Variants in SLC24A3 observed in about 807,000 individuals in gnomAD.
SLC24A3 encodes the protein solute carrier family 24 member 3, also known as sodium/potassium/calcium exchanger 3.
In SLC24A3, 28 loss-of-function variants were observed where a neutral mutation model predicts 75.8. The observed-to-expected ratio is 0.37, with a 90% CI of 0.27 to 0.51. The LOEUF (loss-of-function observed/expected upper bound fraction) is 0.51, where lower values mean the gene tolerates loss of function less well. SLC24A3 is among the 20% of genes least tolerant of loss of function. The pLI, the probability that SLC24A3 is intolerant of heterozygous loss-of-function variation, is 0.94. For synonymous variants in SLC24A3, 372 were observed against 334.1 expected, an observed-to-expected ratio of 1.11 and a Z score of -1.24; for missense variants, 663 against 847.8, an observed-to-expected ratio of 0.78 and a Z score of 2.71.
At chr20:19,431,243 A>G (rs972149378) in intron 2 of SLC24A3, among the ~76,000 whole-genome samples, 1 of 150,940 alleles carries the variant, frequency 6.6e-6, no homozygotes, top group Non-Finnish European at 1.5e-5. Flanking sequence ...CCAAGACAGA[A>G]TGAAGGATGC....
At chr20:19,253,130 G>A (rs540499599) in intron 1 of SLC24A3, among the ~76,000 whole-genome samples, 4 of 152,278 alleles carry the variant, frequency 2.6e-5, no homozygotes, top group South Asian at 2.1e-4. Flanking sequence ...GCTTTGGGCC[G>A]GTGGTCTCAT....
intron 2 of SLC24A3, among the ~76,000 whole-genome samples, chr20:19,360,513 A>G (rs972204194): frequency 2.0e-5 from 3 of 152,362 alleles, no homozygotes; most frequent in East Asian, 1.9e-4. Flanking sequence ...TGTGAATAAT[A>G]TGCCAACTTC....
Position 19,580,155 on chromosome 20 carries a change from A to G in SLC24A3, c.423+81A>G, listed in dbSNP as rs1044379324. Reference sequence around the variant, plus strand: ...CCTGTACTGTTCCAGCCTCCTCACCAAAGTCCTGGGGAGCCCTCGCAGGGC... The same window carrying G: ...CCTGTACTGTTCCAGCCTCCTCACCGAAGTCCTGGGGAGCCCTCGCAGGGC... On this transcript the variant is annotated intron_variant, in intron 4 of 16. Transcript: ENST00000328041. 18 of 1,302,090 alleles carry G rather than the reference A, an allele frequency of 1.4e-5. No homozygotes were observed. In the African/African-American group the frequency reaches 2.5e-4, roughly 18 times the overall value. The allele number at this position is 1,302,090 out of a possible 1,614,324, so 80.7% of individuals were successfully genotyped here.
intron 2 of SLC24A3, among the ~76,000 whole-genome samples, chr20:19,401,958 C>T (rs562962542): frequency 6.6e-6 from 1 of 152,280 alleles, no homozygotes; most frequent in South Asian, 2.1e-4. Context: ...ATTTCTCTAC[C>T]TCCTACTGGT....
intron 2 of SLC24A3, among the ~76,000 whole-genome samples, chr20:19,410,179 A>G (rs992927713): frequency 3.9e-5 from 6 of 152,212 alleles, no homozygotes; most frequent in African/African-American, 1.4e-4. Flanking sequence ...CCCAAGAATC[A>G]GGAGACTTTA....
At chr20:19,294,679 C>T (rs1014235835) in intron 2 of SLC24A3, among the ~76,000 whole-genome samples, 1 of 152,106 alleles carries the variant, frequency 6.6e-6, no homozygotes, top group Non-Finnish European at 1.5e-5. Context: ...CTTTATCTAG[C>T]CTGTCATTGA....
At chr20:19,387,030 T>C (rs1478172040) in intron 2 of SLC24A3, among the ~76,000 whole-genome samples, 1 of 152,194 alleles carries the variant, frequency 6.6e-6, no homozygotes, top group Non-Finnish European at 1.5e-5. Context: ...TTACTCGTTA[T>C]TGGTCTGTTG....
intron 1 of SLC24A3, among the ~76,000 whole-genome samples, chr20:19,262,634 TA>T (rs1470246483): frequency 6.6e-6 from 1 of 151,988 alleles, no homozygotes; most frequent in Non-Finnish European, 1.5e-5. Context: ...GGAACTAAGG[TA>T]AAGTCAGGCC....
intron 6 of SLC24A3, among the ~76,000 whole-genome samples, chr20:19,597,469 A>G (rs1465025544): frequency 6.6e-6 from 1 of 152,248 alleles, no homozygotes; most frequent in African/African-American, 2.4e-5. Flanking sequence ...CATATTTATT[A>G]GGTACATGTG....
intron 6 of SLC24A3, among the ~76,000 whole-genome samples, chr20:19,622,047 GT>G (rs2031811125): frequency 1.3e-5 from 2 of 152,316 alleles, no homozygotes; most frequent in South Asian, 4.1e-4. Flanking sequence ...TCCTTAGGGA[GT>G]TTTTGTGCAC....
At chr20:19,541,199 C>G (rs2030490078) in intron 3 of SLC24A3, among the ~76,000 whole-genome samples, 1 of 152,188 alleles carries the variant, frequency 6.6e-6, no homozygotes, top group Non-Finnish European at 1.5e-5. Context: ...ACCTTTCAGG[C>G]AGAAAAGAAT....
At chr20:19,617,292 C>G (rs1212149814) in intron 6 of SLC24A3, among the ~76,000 whole-genome samples, 3 of 152,154 alleles carry the variant, frequency 2.0e-5, no homozygotes, top group Admixed American at 6.5e-5. Context: ...TGCTGTGCCA[C>G]CCACCTCTGC....
intron 2 of SLC24A3, among the ~76,000 whole-genome samples, chr20:19,510,547 C>T (rs1358161911): frequency 6.6e-6 from 1 of 152,144 alleles, no homozygotes; most frequent in East Asian, 1.9e-4. Flanking sequence ...ATGTTGAAGC[C>T]CTAACCCCCA....
chr20:19,661,259 G>A (rs760848144), intron 7 of SLC24A3, among the ~76,000 whole-genome samples: 30 of 152,036 alleles, frequency 2.0e-4, no homozygotes, highest in African/African-American at 6.8e-4. Context: ...AGCCCTGCCC[G>A]TAGGTCATTT....
intron 2 of SLC24A3, among the ~76,000 whole-genome samples, chr20:19,452,470 G>A (rs541487879): frequency 6.6e-6 from 1 of 151,202 alleles, no homozygotes; most frequent in Non-Finnish European, 1.5e-5. Flanking sequence ...GAGAAAGGAA[G>A]GGAGAATGTG....
rs555677556 is a variant in SLC24A3, at chr20:19,583,126, C to G, written c.424-1845C>G. 2.4e-4 allele frequency among the ~76,000 whole-genome samples: 37 copies of G among 152,230 alleles called. No individual in the cohort carries two copies. The South Asian group carries it at 5.8e-3, about 24-fold the overall frequency. On this transcript the variant is annotated intron_variant, in intron 4 of 16. Transcript: ENST00000328041. ...CATCCCAGGGCTCCTAGCTGCAGAG[C>G]AGCTCCAGGGTAATATCCACAGGGG... is the stretch of plus-strand genomic sequence containing the variant.
At chr20:19,596,276 T>C (rs1333519373) in intron 6 of SLC24A3, among the ~76,000 whole-genome samples, 2 of 152,160 alleles carry the variant, frequency 1.3e-5, no homozygotes. Flanking sequence ...AAGAAGTGGT[T>C]GCTGTCTTTA....
At chr20:19,613,697 G>A (rs1479669648) in intron 6 of SLC24A3, among the ~76,000 whole-genome samples, 1 of 152,158 alleles carries the variant, frequency 6.6e-6, no homozygotes, top group African/African-American at 2.4e-5. Flanking sequence ...TTACAGAGTG[G>A]GACCCAGACC....
intron 6 of SLC24A3, among the ~76,000 whole-genome samples, chr20:19,628,762 C>A (rs2031898388): frequency 6.6e-6 from 1 of 152,076 alleles, no homozygotes; most frequent in Non-Finnish European, 1.5e-5. Flanking sequence ...TGAGTAGAAA[C>A]AGGCACACCA....
Sources: gnomAD v4.1 joint callset for allele counts (sites outside exome capture counted in the v4.1 genomes callset) on GRCh38, gnomAD v4.1.1 for gene constraint, MANE v1.5 for transcripts, NCBI Gene and HGNC (gene_info 2026-07-23, HGNC 2026-07-21) for gene names.